The following DCPH1 variants were observed in gnomAD, a reference collection of about 807,000 sequenced individuals.
The protein encoded by DCPH1 is damage-control phosphatase 1.
chr6:151,454,702 CATAAT>C, the DCPH1 span: 2 of 899,556 alleles, frequency 2.2e-6, no homozygotes, highest in Admixed American at 2.3e-5. Context: ...TCAACAGAAA[CATAAT>C]AAATAGTTCT....
At chr6:151,463,617 A>G in the DCPH1 span, among the ~76,000 whole-genome samples, 2 of 152,296 alleles carry the variant, frequency 1.3e-5, no homozygotes, top group African/African-American at 4.8e-5. Flanking sequence ...CATCATTTGG[A>G]TGTTTAAATA....
chr6:151,453,528 CTG>C, the DCPH1 span, among the ~76,000 whole-genome samples: 1 of 152,298 alleles, frequency 6.6e-6, no homozygotes, highest in African/African-American at 2.4e-5. Context: ...AACCTAATCA[CTG>C]TTTTGGGTGG....
the DCPH1 span, chr6:151,469,165 C>T: frequency 4.1e-5 from 59 of 1,451,754 alleles, no homozygotes; most frequent in African/African-American, 2.0e-4. Context: ...CCTTTTCATC[C>T]CCAGAAAAGG....
At chr6:151,460,395 G>A in the DCPH1 span, among the ~76,000 whole-genome samples, 19,620 of 151,208 alleles carry the variant, frequency 0.13, 1,575 homozygotes, top group East Asian at 0.38. Context: ...GAGCCACCAC[G>A]CCCAGCCTAT....
the DCPH1 span, chr6:151,468,956 G>A: frequency 6.2e-7 from 1 of 1,614,216 alleles, no homozygotes; most frequent in Non-Finnish European, 8.5e-7. Context: ...GCTCTGAATG[G>A]CTTCCATCCT....
the DCPH1 span, among the ~76,000 whole-genome samples, chr6:151,455,423 C>T: frequency 6.6e-6 from 1 of 152,196 alleles, no homozygotes; most frequent in Non-Finnish European, 1.5e-5. Flanking sequence ...AGGGATGTGT[C>T]AGGGTCACAA....
chr6:151,467,176 C>T, the DCPH1 span, among the ~76,000 whole-genome samples: 2 of 151,382 alleles, frequency 1.3e-5, no homozygotes, highest in South Asian at 2.1e-4. Context: ...AGCTTGAACC[C>T]GTGAGGCAGA....
the DCPH1 span, among the ~76,000 whole-genome samples, chr6:151,468,085 G>A: frequency 1.3e-5 from 2 of 152,212 alleles, no homozygotes; most frequent in African/African-American, 2.4e-5. Context: ...AACAATGTGA[G>A]TGCTGAAATA....
the DCPH1 span, chr6:151,469,589 A>G: frequency 1.3e-5 from 2 of 152,898 alleles, no homozygotes; most frequent in African/African-American, 2.4e-5. Context: ...CTCTTTGTAA[A>G]GAGAGGCATT....
the DCPH1 span, among the ~76,000 whole-genome samples, chr6:151,456,453 CTGT>C: frequency 2.0e-5 from 3 of 152,098 alleles, no homozygotes; most frequent in East Asian, 1.9e-4. Flanking sequence ...CAGGGATTAC[CTGT>C]TGTTCCTTGT....
the DCPH1 span, among the ~76,000 whole-genome samples, chr6:151,466,500 C>G: frequency 6.6e-6 from 1 of 152,182 alleles, no homozygotes; most frequent in African/African-American, 2.4e-5. Flanking sequence ...AGAGTTGCCT[C>G]CATTTGGTGT....
the DCPH1 span, among the ~76,000 whole-genome samples, chr6:151,461,874 C>T: frequency 1.3e-5 from 2 of 152,096 alleles, no homozygotes; most frequent in African/African-American, 4.8e-5. Flanking sequence ...TGCACAATCA[C>T]GGATGTAGAA....
At chr6:151,463,916 A>G in the DCPH1 span, among the ~76,000 whole-genome samples, 1 of 152,232 alleles carries the variant, frequency 6.6e-6, no homozygotes, top group South Asian at 2.1e-4. Context: ...GCCCAAAAAT[A>G]CCTAAAATTA....
the DCPH1 span, chr6:151,469,236 T>C: frequency 1.4e-6 from 1 of 727,578 alleles, no homozygotes; most frequent in Non-Finnish European, 2.2e-6. Context: ...AGCTTCTTGG[T>C]GCCCATCTAC....
At chr6:151,468,970 C>A in the DCPH1 span, 1 of 1,614,228 alleles carries the variant, frequency 6.2e-7, no homozygotes, top group East Asian at 2.2e-5. Flanking sequence ...CCATCCTGCA[C>A]CACTCTGTAC....
chr6:151,458,662 T>C, the DCPH1 span: 1 of 1,144,430 alleles, frequency 8.7e-7, no homozygotes, highest in Non-Finnish European at 1.2e-6. Context: ...TAAGCACCAG[T>C]GGAAGCTTGA....
the DCPH1 span, chr6:151,452,477 G>A: frequency 4.5e-6 from 7 of 1,564,964 alleles, no homozygotes; most frequent in African/African-American, 6.9e-5. Flanking sequence ...CTCCTCCTTC[G>A]CGGCGGTACC....
chr6:151,466,371 G>GAATGAATA, the DCPH1 span, among the ~76,000 whole-genome samples: 1 of 151,360 alleles, frequency 6.6e-6, no homozygotes, highest in Non-Finnish European at 1.5e-5. Flanking sequence ...CTTTGAATGT[G>GAATGAATA]TTCTTTGTCC....
the DCPH1 span, chr6:151,468,585 C>A: frequency 6.2e-7 from 1 of 1,614,094 alleles, no homozygotes; most frequent in Admixed American, 1.7e-5. Context: ...TATTAGCCGA[C>A]TTCTTGTTGT....
Sources: gnomAD v4.1 joint callset for allele counts (sites outside exome capture counted in the v4.1 genomes callset) on GRCh38, gnomAD v4.1.1 for gene constraint, MANE v1.5 for transcripts, NCBI Gene and HGNC (gene_info 2026-07-23, HGNC 2026-07-21) for gene names.